Variants in TRABD2B observed in about 807,000 individuals in gnomAD.
The protein encoded by TRABD2B is metalloprotease TIKI2.
A neutral mutation model predicts 40.1 loss-of-function variants in TRABD2B; 14 were observed. The ratio of observed to expected loss-of-function variants is 0.35; its 90% confidence interval spans 0.23 to 0.55. TRABD2B has a LOEUF of 0.55. Ranked by LOEUF, TRABD2B falls within the 20% of genes least tolerant of loss-of-function variation. The pLI is 0.90. For missense variants in TRABD2B, 541 were observed against 648.6 expected, an observed-to-expected ratio of 0.83 and a Z score of 1.80; for synonymous variants, 263 against 277.0, an observed-to-expected ratio of 0.95 and a Z score of 0.50.
intron 6 of TRABD2B, among the ~76,000 whole-genome samples, chr1:47,766,590 T>C (rs909620079): frequency 6.6e-6 from 1 of 152,226 alleles, no homozygotes; most frequent in African/African-American, 2.4e-5. Context: ...GCATCCATCA[T>C]GAGCTCAGCA....
At chr1:47,974,203 G>A (rs1442590287) in intron 2 of TRABD2B, among the ~76,000 whole-genome samples, 3 of 152,098 alleles carry the variant, frequency 2.0e-5, no homozygotes, top group East Asian at 3.9e-4. Flanking sequence ...ATTACCTGTA[G>A]GCCAGGTGAG....
intron 2 of TRABD2B, among the ~76,000 whole-genome samples, chr1:47,940,204 C>T (rs1046070797): frequency 2.0e-5 from 3 of 152,224 alleles, no homozygotes; most frequent in Admixed American, 6.5e-5. Flanking sequence ...AAGATGCAGC[C>T]TTGCTGAACC....
At chr1:47,979,110 A>G (rs1557692760) in intron 2 of TRABD2B, among the ~76,000 whole-genome samples, 1 of 152,178 alleles carries the variant, frequency 6.6e-6, no homozygotes, top group Non-Finnish European at 1.5e-5. Flanking sequence ...AAAGCACCCA[A>G]GGACTGCCGT....
chr1:47,944,231 T>A (rs183214695), intron 2 of TRABD2B, among the ~76,000 whole-genome samples: 7 of 152,290 alleles, frequency 4.6e-5, no homozygotes, highest in South Asian at 4.1e-4. Context: ...GCAGAAGAGT[T>A]GGATCCAGCT....
At chr1:47,915,322 C>T (rs1313129638) in intron 2 of TRABD2B, among the ~76,000 whole-genome samples, 1 of 152,198 alleles carries the variant, frequency 6.6e-6, no homozygotes, top group Non-Finnish European at 1.5e-5. Context: ...TCTCAAAGGC[C>T]TCTGAAGTTG....
At chr1:47,972,119 T>A in intron 2 of TRABD2B, among the ~76,000 whole-genome samples, 1 of 152,238 alleles carries the variant, frequency 6.6e-6, no homozygotes, top group Non-Finnish European at 1.5e-5. Context: ...TTGTTATTAT[T>A]AGCAGTATCA....
At chr1:47,857,674 G>A (rs183195644) in intron 2 of TRABD2B, among the ~76,000 whole-genome samples, 10 of 152,142 alleles carry the variant, frequency 6.6e-5, no homozygotes, top group South Asian at 4.2e-4. Flanking sequence ...CACAGAGAAG[G>A]CCTCCAAGAA....
Position 47,994,746 on chromosome 1 carries a change from A to C in TRABD2B, c.103-149T>G, listed in dbSNP as rs932904838. ...TAAAGAGCCAGGTCTTTGGAGCCTG[A>C]AAGACCCACATTGAAAACCTAGCTT... is the stretch of plus-strand genomic sequence containing the variant. On this transcript the variant is annotated intron_variant, in intron 1 of 6. Transcript: ENST00000606738. The surrounding 1 kb of genome is among the most constrained non-coding windows in gnomAD (Gnocchi z 6.7). 4.4e-6 allele frequency: 3 copies of C among 681,828 alleles called. No individual in the cohort carries two copies. Among genetic ancestry groups the C allele is most frequent in the African/African-American group, 1.8e-5 (1 of 55,344 alleles). 42.2% of individuals were successfully genotyped at this position (681,828 alleles called of 1,614,324 possible).
In TRABD2B at chr1:47,827,394, T is replaced by G. The variant is rs1645190644; in HGVS notation, c.667-25775A>C. 1.3e-5 allele frequency among the ~76,000 whole-genome samples: 2 copies of G among 152,268 alleles called. 1 individual carries two copies. The highest frequency in any genetic ancestry group is 1.3e-4 in the Admixed American group (2 of 15,284). On this transcript the variant is annotated intron_variant, in intron 2 of 6. Coordinates refer to ENST00000606738, the MANE Select transcript of TRABD2B (RefSeq NM_001194986.2). Reference sequence around the variant, plus strand: ...CTAGGTTGGAATGCCTCTGTCTGTGTGGCCCATGGCAAGACCCTTATCTCT... The same window carrying G: ...CTAGGTTGGAATGCCTCTGTCTGTGGGGCCCATGGCAAGACCCTTATCTCT...
chr1:47,777,060 C>T (rs1198583530), intron 5 of TRABD2B, among the ~76,000 whole-genome samples: 1 of 152,170 alleles, frequency 6.6e-6, no homozygotes, highest in Admixed American at 6.5e-5. Flanking sequence ...GAGCAGAGCC[C>T]ATGGGGGAGC....
Position 47,909,489 on chromosome 1 carries a change from AAGG to A in TRABD2B, c.666+84542_666+84544del, listed in dbSNP as rs1158633949. Among the ~76,000 whole-genome samples the A allele has an allele frequency of 1.1e-4, 7 of 64,954 alleles. No individual in the cohort carries two copies. The East Asian group carries it at 1.6e-3, about 15-fold the overall frequency. 42.6% of individuals were successfully genotyped at this position (64,954 alleles called of 152,430 possible). A position where few individuals can be genotyped will look rare whatever the true frequency, so the allele number is the denominator to read the frequency against. On this transcript the variant is annotated intron_variant, in intron 2 of 6. Coordinates refer to ENST00000606738, the MANE Select transcript of TRABD2B (RefSeq NM_001194986.2). ...GAAGGGGAAGGAGAAGGAGAAGGAG[AAGG>A]AGGAGAAGGAGGAGAAGGAGAAGGG...
At chr1:47,857,930 C>A in intron 2 of TRABD2B, among the ~76,000 whole-genome samples, 1 of 122,088 alleles carries the variant, frequency 8.2e-6, no homozygotes, top group Non-Finnish European at 1.6e-5. Context: ...TCCATGGTTT[C>A]AGTTACTTGC....
chr1:47,780,008 G>A (rs1349324656), intron 4 of TRABD2B, among the ~76,000 whole-genome samples: 1 of 152,120 alleles, frequency 6.6e-6, no homozygotes, highest in African/African-American at 2.4e-5. Context: ...CACCAGCCTC[G>A]CACACCTCTG....
intron 2 of TRABD2B, among the ~76,000 whole-genome samples, chr1:47,932,997 A>G (rs969259977): frequency 6.6e-6 from 1 of 152,198 alleles, no homozygotes; most frequent in Admixed American, 6.5e-5. Flanking sequence ...TTTGTAATTC[A>G]GCACTAGCAC....
chr1:47,871,618 C>G (rs1025857263), intron 2 of TRABD2B, among the ~76,000 whole-genome samples: 9 of 152,066 alleles, frequency 5.9e-5, no homozygotes, highest in African/African-American at 2.2e-4. Context: ...CAGAGATGGT[C>G]GGGACAGGTG....
intron 2 of TRABD2B, among the ~76,000 whole-genome samples, chr1:47,824,105 C>T (rs61772965): frequency 0.24 from 36,974 of 152,080 alleles, 5,052 homozygotes; most frequent in Non-Finnish European, 0.3. Flanking sequence ...GATTTCCTCA[C>T]GGTGAAGTGG....
chr1:47,926,357 T>C (rs968313022), intron 2 of TRABD2B, among the ~76,000 whole-genome samples: 6 of 152,196 alleles, frequency 3.9e-5, no homozygotes, highest in Non-Finnish European at 8.8e-5. Context: ...ACTGTAGATC[T>C]GCCCGGGCCA....
intron 2 of TRABD2B, among the ~76,000 whole-genome samples, chr1:47,928,427 C>T (rs1644997542): frequency 6.6e-6 from 1 of 152,208 alleles, no homozygotes; most frequent in Admixed American, 6.5e-5. Flanking sequence ...ATGCCTTGCA[C>T]TGCATGCATT....
At chr1:47,902,592 G>A (rs1044196822) in intron 2 of TRABD2B, among the ~76,000 whole-genome samples, 12 of 152,138 alleles carry the variant, frequency 7.9e-5, no homozygotes, top group African/African-American at 2.9e-4. Context: ...GAACTCCTGG[G>A]CTCAAGTGAT....
Sources: allele counts gnomAD v4.1 joint callset (sites outside exome capture counted in the v4.1 genomes callset), GRCh38; gene constraint gnomAD v4.1.1; non-coding constraint Gnocchi (gnomAD v3.1); transcripts MANE v1.5; gene names NCBI Gene and HGNC (gene_info 2026-07-23, HGNC 2026-07-21).